RNF38: variants seen among roughly 807,000 people sequenced by gnomAD.
RNF38 encodes the protein E3 ubiquitin-protein ligase RNF38.
RNF38 carries 15 observed loss-of-function variants against 67.2 expected under a neutral mutation model. The observed-to-expected ratio is 0.22, with a 90% CI of 0.15 to 0.34. RNF38 has a LOEUF of 0.34. Ranked by LOEUF, RNF38 falls within the 10% of genes least tolerant of loss-of-function variation. RNF38 has a pLI of 1.00. For synonymous variants in RNF38, 220 were observed against 218.8 expected (o/e 1.01, Z -0.05); for missense variants, 524 against 639.9 (o/e 0.82, Z 1.95).
intron 1 of RNF38, among the ~76,000 whole-genome samples, chr9:36,468,322 A>C (rs1839913277): frequency 1.3e-5 from 2 of 151,898 alleles, no homozygotes. Flanking sequence ...ACCAGAACGC[A>C]GAATCCAGGT....
chr9:36,477,441 C>A (rs575296666), intron 1 of RNF38, among the ~76,000 whole-genome samples: 1 of 152,118 alleles, frequency 6.6e-6, no homozygotes, highest in Non-Finnish European at 1.5e-5. Flanking sequence ...TTTAGGAGGC[C>A]AAGGTGGGAG....
chr9:36,474,569 A>G (rs766086666), intron 1 of RNF38, among the ~76,000 whole-genome samples: 2 of 148,210 alleles, frequency 1.3e-5, no homozygotes, highest in African/African-American at 2.5e-5. Flanking sequence ...TATCCCAGGT[A>G]ACACTCCTAA....
intron 1 of RNF38, chr9:36,424,745 C>A: frequency 1.7e-6 from 1 of 600,768 alleles, no homozygotes; most frequent in Non-Finnish European, 2.1e-6. Context: ...ACTGCTTTAC[C>A]AATTAAAAGT....
chr9:36,354,942 T>C (rs544904611), intron 6 of RNF38, among the ~76,000 whole-genome samples: 4 of 152,364 alleles, frequency 2.6e-5, no homozygotes, highest in African/African-American at 7.2e-5. Flanking sequence ...AAAGTCTTGA[T>C]ATGGCTATGT....
At chr9:36,428,509 G>A (rs975189935) in intron 1 of RNF38, among the ~76,000 whole-genome samples, 8 of 150,870 alleles carry the variant, frequency 5.3e-5, no homozygotes, top group Non-Finnish European at 7.4e-5. Flanking sequence ...GCTGGACCAC[G>A]ACCACATGTT....
At chr9:36,408,066 A>C (rs1165442536) in intron 2 of RNF38, among the ~76,000 whole-genome samples, 1 of 152,164 alleles carries the variant, frequency 6.6e-6, no homozygotes, top group Non-Finnish European at 1.5e-5. Context: ...AATTTTCTTA[A>C]AATTTCAAGA....
intron 1 of RNF38, among the ~76,000 whole-genome samples, chr9:36,472,502 G>A (rs558145939): frequency 3.9e-5 from 6 of 152,264 alleles, no homozygotes; most frequent in African/African-American, 1.4e-4. Flanking sequence ...ACAAAAGATT[G>A]GACATCCCTG....
intron 1 of RNF38, among the ~76,000 whole-genome samples, chr9:36,460,885 C>CAAA (rs752827635): frequency 5.7e-4 from 30 of 52,806 alleles, no homozygotes; most frequent in African/African-American, 1.2e-3. Flanking sequence ...GAAACTCTCT[C>CAAA]AAAAAAAAAA....
At chr9:36,413,059 C>T (rs867280112) in intron 2 of RNF38, among the ~76,000 whole-genome samples, 2 of 151,258 alleles carry the variant, frequency 1.3e-5, no homozygotes, top group African/African-American at 2.4e-5. Flanking sequence ...ACAACAAGAG[C>T]GAGAGTCCAT....
At chr9:36,424,001 C>A (rs1838706117) in intron 2 of RNF38, among the ~76,000 whole-genome samples, 1 of 150,562 alleles carries the variant, frequency 6.6e-6, no homozygotes. Context: ...GACCAGGTTT[C>A]TTTAGAGATA....
intron 6 of RNF38, among the ~76,000 whole-genome samples, chr9:36,354,778 C>T (rs574309778): frequency 1.5e-4 from 23 of 152,296 alleles, no homozygotes; most frequent in Admixed American, 1.4e-3. Flanking sequence ...CTCTTAGGCA[C>T]ATTTATTTTT....
intron 1 of RNF38, among the ~76,000 whole-genome samples, chr9:36,465,850 A>G (rs1050247496): frequency 3.9e-5 from 6 of 151,996 alleles, no homozygotes; most frequent in Non-Finnish European, 8.8e-5. Context: ...GGAGATCGGG[A>G]CCATCCTGGC....
At chr9:36,409,854 T>C (rs1398257817) in intron 2 of RNF38, among the ~76,000 whole-genome samples, 2 of 152,222 alleles carry the variant, frequency 1.3e-5, no homozygotes, top group African/African-American at 4.8e-5. Context: ...AGATTTCTAA[T>C]TTGTACTACA....
chr9:36,412,815 G>A (rs906302322), intron 2 of RNF38, among the ~76,000 whole-genome samples: 2 of 152,120 alleles, frequency 1.3e-5, no homozygotes, highest in South Asian at 2.1e-4. Flanking sequence ...GTTCACACCT[G>A]TAATCTCAGC....
intron 2 of RNF38, among the ~76,000 whole-genome samples, chr9:36,421,224 T>G (rs1438282250): frequency 6.6e-6 from 1 of 152,244 alleles, no homozygotes; most frequent in Non-Finnish European, 1.5e-5. Context: ...CAACACGTTT[T>G]GACAATGTGC....
intron 1 of RNF38, among the ~76,000 whole-genome samples, chr9:36,393,523 G>GT (rs1554689616): frequency 0.17 from 13,748 of 82,474 alleles, 811 homozygotes; most frequent in East Asian, 0.27. Context: ...GTGTGTGTGT[G>GT]GGGCAGGCAG....
intron 4 of RNF38, among the ~76,000 whole-genome samples, chr9:36,360,862 G>C (rs912480650): frequency 6.6e-6 from 1 of 151,982 alleles, no homozygotes. Flanking sequence ...CAACAATGGA[G>C]TGCAGTGGTG....
chr9:36,381,089 A>G (rs1836180120), intron 2 of RNF38, among the ~76,000 whole-genome samples: 1 of 152,176 alleles, frequency 6.6e-6, no homozygotes, highest in Non-Finnish European at 1.5e-5. Context: ...CTCCCGTGAG[A>G]ATTCAAACTT....
At chr9:36,399,831 A>T (rs1837860104) in intron 1 of RNF38, among the ~76,000 whole-genome samples, 1 of 152,158 alleles carries the variant, frequency 6.6e-6, no homozygotes, top group Non-Finnish European at 1.5e-5. Context: ...ATTTACGGTA[A>T]ATTTTCAAGT....
Sources: allele counts gnomAD v4.1 joint callset (sites outside exome capture counted in the v4.1 genomes callset), GRCh38; gene constraint gnomAD v4.1.1; transcripts MANE v1.5; gene names NCBI Gene and HGNC (gene_info 2026-07-23, HGNC 2026-07-21).